Variants in STK32B observed in about 807,000 individuals in gnomAD.
STK32B encodes serine/threonine-protein kinase 32B.
Under a neutral mutation model 52.6 loss-of-function variants are expected in STK32B, and 43 were observed. The observed-to-expected ratio is 0.82, with a 90% CI of 0.64 to 1.05. STK32B has a LOEUF of 1.05. Ranked by LOEUF, STK32B falls within the 50% of genes least tolerant of loss-of-function variation. STK32B has a pLI of 0.00. For missense variants in STK32B, 621 were observed against 534.6 expected (o/e 1.16, Z -1.59); for synonymous variants, 238 against 204.3 (o/e 1.17, Z -1.41).
chr4:5,059,052 C>CTTTTTTTTTTTT (rs3072775), intron 1 of STK32B, among the ~76,000 whole-genome samples: 2,084 of 86,816 alleles, frequency 0.024, 440 homozygotes, highest in Non-Finnish European at 0.032. Flanking sequence ...CGCCCAGCTG[C>CTTTTTTTTTTTT]TTTTTTTTTT....
At chr4:5,354,269 C>G (rs1000575687) in intron 4 of STK32B, among the ~76,000 whole-genome samples, 4 of 152,040 alleles carry the variant, frequency 2.6e-5, no homozygotes, top group African/African-American at 9.7e-5. Context: ...AAAAATAGAT[C>G]TATGTGTACA....
At chr4:5,482,830 A>G (rs1000481432) in intron 11 of STK32B, among the ~76,000 whole-genome samples, 1 of 152,210 alleles carries the variant, frequency 6.6e-6, no homozygotes, top group Non-Finnish European at 1.5e-5. Flanking sequence ...CCTTTTCTGC[A>G]TCTATTGAGA....
Position 5,379,310 on chromosome 4 carries a change from G to A in STK32B, c.435-18897G>A, listed in dbSNP as rs944910489. Among the ~76,000 whole-genome samples the A allele has an allele frequency of 2.6e-5, 4 of 152,146 alleles. No individual in the cohort carries two copies. The East Asian group carries it at 7.8e-4, about 30-fold the overall frequency. On this transcript the variant is annotated intron_variant, in intron 4 of 11. Transcript: ENST00000282908. Reference sequence around the variant, plus strand: ...AGGGCCCCCTTGTATCCAGCACATGGCCCACACTCTCCAGCAGCCTTGTCT... The same window carrying A: ...AGGGCCCCCTTGTATCCAGCACATGACCCACACTCTCCAGCAGCCTTGTCT...
At chr4:5,458,772 A>G (rs991061928) in intron 8 of STK32B, 1 of 152,262 alleles carries the variant, frequency 6.6e-6, no homozygotes, top group Non-Finnish European at 1.5e-5. Context: ...AGGGATGCAC[A>G]TGGAGTCGTG....
rs1222675960 is a variant in STK32B at position 5,251,965 on chromosome 4, C to T, written c.261-79255C>T. The stretch of plus-strand genomic sequence containing the variant: ...GGTAGAACAATGTCCATGAAAGCAA[C>T]TTGAGAAGGTACAGTTGTAAATGGA... On this transcript the variant is annotated intron_variant, in intron 3 of 11. Coordinates refer to ENST00000282908, the MANE Select transcript of STK32B (RefSeq NM_018401.3). 5.3e-5 allele frequency among the ~76,000 whole-genome samples: 8 copies of T among 152,116 alleles called. No homozygotes were observed. In the East Asian group the frequency reaches 1.3e-3, roughly 26 times the overall value.
intron 3 of STK32B, among the ~76,000 whole-genome samples, chr4:5,204,403 T>G (rs1175371246): frequency 6.6e-6 from 1 of 151,480 alleles, no homozygotes; most frequent in Non-Finnish European, 1.5e-5. Context: ...TGGGGTTTTT[T>G]GTTTGTTTGT....
chr4:5,087,922 T>G (rs958834153), intron 1 of STK32B, among the ~76,000 whole-genome samples: 12 of 151,906 alleles, frequency 7.9e-5, no homozygotes, highest in African/African-American at 2.7e-4. Flanking sequence ...AATCAAAGAC[T>G]TGAACAATAT....
chr4:5,043,325 G>C, the STK32B span, among the ~76,000 whole-genome samples: 1 of 152,072 alleles, frequency 6.6e-6, no homozygotes, highest in Admixed American at 6.5e-5. Context: ...AGCTCTACTT[G>C]CAAGAGTTAA....
intron 3 of STK32B, among the ~76,000 whole-genome samples, chr4:5,276,482 G>T (rs1214881409): frequency 6.6e-6 from 1 of 152,096 alleles, no homozygotes; most frequent in East Asian, 1.9e-4. Context: ...GATAGAAAAT[G>T]TGATGTTTCC....
At chr4:5,102,401 G>A (rs904369657) in intron 1 of STK32B, among the ~76,000 whole-genome samples, 1 of 151,914 alleles carries the variant, frequency 6.6e-6, no homozygotes, top group African/African-American at 2.4e-5. Context: ...TGCTGTGAGA[G>A]GACAAAGTTC....
At chr4:5,191,267 T>C (rs73208959) in intron 3 of STK32B, among the ~76,000 whole-genome samples, 14,730 of 151,770 alleles carry the variant, frequency 0.097, 857 homozygotes, top group Non-Finnish European at 0.12. Flanking sequence ...TTTTTTTTTT[T>C]TGAGACAGAG....
chr4:5,466,710 G>T lies in STK32B; in HGVS notation c.917G>T (p.Arg306Met). ...TTTTCTACTCCCCTTTAGAAAGGGAGGTTGAACTGCGATCCCACATTTGAG... is the reference window on the plus strand; with the variant it reads ...TTTTCTACTCCCCTTTAGAAAGGGATGTTGAACTGCGATCCCACATTTGAG... ...LMPGFVPNKG[R>M]LNCDPTFELE... The change falls in exon 10 of 12, where the codon AGG becomes ATG. Residue 306 changes from arginine (R) to methionine (M), a missense_variant. Transcript: ENST00000282908. 1 of 1,613,190 alleles carries T rather than the reference G, an allele frequency of 6.2e-7. No homozygotes were observed. Among genetic ancestry groups the T allele is most frequent in the Non-Finnish European group, 8.5e-7 (1 of 1,179,648 alleles).
intron 2 of STK32B, among the ~76,000 whole-genome samples, chr4:5,150,205 T>A (rs1474197432): frequency 2.0e-5 from 3 of 152,120 alleles, no homozygotes; most frequent in Admixed American, 2.0e-4. Flanking sequence ...GTGGAAACTC[T>A]TGACTTAAAA....
intron 3 of STK32B, among the ~76,000 whole-genome samples, chr4:5,198,865 A>C (rs1388411152): frequency 6.6e-6 from 1 of 151,224 alleles, no homozygotes; most frequent in African/African-American, 2.5e-5. Flanking sequence ...TGTCAGGCTG[A>C]CTTAAAATCC....
intron 11 of STK32B, among the ~76,000 whole-genome samples, chr4:5,475,480 C>G (rs1228647907): frequency 1.4e-5 from 2 of 141,190 alleles, no homozygotes; most frequent in African/African-American, 5.3e-5. Flanking sequence ...GGGCAGATCA[C>G]TTGAGGTCAG....
At chr4:5,123,320 C>A (rs1188264966) in intron 1 of STK32B, among the ~76,000 whole-genome samples, 1 of 152,156 alleles carries the variant, frequency 6.6e-6, no homozygotes, top group African/African-American at 2.4e-5. Context: ...ATCTCTGCAC[C>A]CGGCTTCATC....
At chr4:5,136,885 A>G (rs897487030) in intron 1 of STK32B, among the ~76,000 whole-genome samples, 1 of 152,182 alleles carries the variant, frequency 6.6e-6, no homozygotes, top group African/African-American at 2.4e-5. Flanking sequence ...GCTCAAAGTC[A>G]TCTACATCCA....
At chr4:5,397,094 C>A (rs182307810) in intron 4 of STK32B, among the ~76,000 whole-genome samples, 1,730 of 152,328 alleles carry the variant, frequency 0.011, 34 homozygotes, top group African/African-American at 0.039. Context: ...CATTGCATTA[C>A]TACAAATTAC....
At chr4:5,229,721 TTA>T (rs1228280946) in intron 3 of STK32B, among the ~76,000 whole-genome samples, 1 of 152,144 alleles carries the variant, frequency 6.6e-6, no homozygotes, top group African/African-American at 2.4e-5. Context: ...AAATTTAAAA[TTA>T]TATATAATTT....
Sources: gnomAD v4.1 joint callset for allele counts (sites outside exome capture counted in the v4.1 genomes callset) on GRCh38, gnomAD v4.1.1 for gene constraint, MANE v1.5 for transcripts, NCBI Gene and HGNC (gene_info 2026-07-23, HGNC 2026-07-21) for gene names.